IRAK1BP1: variants seen among roughly 807,000 people sequenced by gnomAD.
IRAK1BP1 encodes the protein interleukin-1 receptor-associated kinase 1-binding protein 1.
A neutral mutation model predicts 28.0 loss-of-function variants in IRAK1BP1; 24 were observed. The observed-to-expected ratio is 0.86, with a 90% confidence interval of 0.62 to 1.20. IRAK1BP1 has a LOEUF of 1.20. Among genes scored for constraint, IRAK1BP1 ranks in the 50% most tolerant of loss-of-function variants. The pLI is 0.00. For synonymous variants in IRAK1BP1, 131 were observed against 116.3 expected, an observed-to-expected ratio of 1.13 and a Z score of -0.81; for missense variants, 336 against 316.7, an observed-to-expected ratio of 1.06 and a Z score of -0.46.
rs891536990 is a variant in IRAK1BP1, at chr6:78,872,219, T to C, written c.315+4328T>C. 5 of 653,908 alleles carry C rather than the reference T, an allele frequency of 7.6e-6. No individual in the cohort carries two copies. The African/African-American group carries it at 9.0e-5, about 12-fold the overall frequency. 40.5% of individuals were successfully genotyped at this position (653,908 alleles called of 1,614,324 possible). Reference sequence around the variant, plus strand: ...CAGCGGTAATTTGCTTGACAACATATCCTTTAGTGCCTTTCTTTCCTTATC... The same window carrying C: ...CAGCGGTAATTTGCTTGACAACATACCCTTTAGTGCCTTTCTTTCCTTATC... On this transcript the variant is annotated intron_variant, in intron 1 of 3. Coordinates refer to ENST00000369940, the MANE Select transcript of IRAK1BP1 (RefSeq NM_001010844.4).
chr6:78,973,453 G>A, the IRAK1BP1 span, among the ~76,000 whole-genome samples: 1 of 134,702 alleles, frequency 7.4e-6, no homozygotes, highest in Middle Eastern at 3.2e-3. Context: ...TCGAGACTAG[G>A]AAGAAACTGC....
chr6:78,877,563 G>A (rs1213393789), intron 1 of IRAK1BP1, among the ~76,000 whole-genome samples: 2 of 152,212 alleles, frequency 1.3e-5, no homozygotes, highest in African/African-American at 4.8e-5. Flanking sequence ...CCCAGCGTGA[G>A]CGATGCAGAA....
Position 78,901,869 on chromosome 6 carries a change from G to A in IRAK1BP1, c.*3535G>A, listed in dbSNP as rs182280933. 3.2e-4 allele frequency: 48 copies of A among 152,112 alleles called. No individual in the cohort carries two copies. Among genetic ancestry groups the A allele is most frequent in the African/African-American group, 1.1e-3 (46 of 41,516 alleles). 9.4% of individuals were successfully genotyped at this position (152,112 alleles called of 1,614,324 possible). A position where few individuals can be genotyped will look rare whatever the true frequency, so the allele number is the denominator to read the frequency against. On this transcript the variant is annotated 3_prime_UTR_variant, in exon 4 of 4. Coordinates refer to ENST00000369940, the MANE Select transcript of IRAK1BP1 (RefSeq NM_001010844.4). Reference sequence around the variant, plus strand: ...AGATGCTGTACCTCATCCTATAATTGTTGTTTTGTAATATTCCTTCTCAGG... The same window carrying A: ...AGATGCTGTACCTCATCCTATAATTATTGTTTTGTAATATTCCTTCTCAGG...
At chr6:78,962,932 T>A in the IRAK1BP1 span, among the ~76,000 whole-genome samples, 1 of 152,198 alleles carries the variant, frequency 6.6e-6, no homozygotes, top group African/African-American at 2.4e-5. Context: ...TTTAAATAGT[T>A]AAGTCCTGTG....
chr6:78,892,837 G>C (rs1323668944), intron 2 of IRAK1BP1, among the ~76,000 whole-genome samples: 1 of 152,084 alleles, frequency 6.6e-6, no homozygotes, highest in Non-Finnish European at 1.5e-5. Flanking sequence ...CGTGCTTAGT[G>C]AACCTGAAAA....
chr6:78,889,116 C>CAAAAAAAAA (rs201870779), intron 2 of IRAK1BP1, among the ~76,000 whole-genome samples: 2 of 79,832 alleles, frequency 2.5e-5, no homozygotes, highest in African/African-American at 5.5e-5. Context: ...GACTCTGTCT[C>CAAAAAAAAA]AAAAAAAAAA....
chr6:78,904,067 A>G (rs1239282737), downstream of IRAK1BP1, among the ~76,000 whole-genome samples: 2 of 152,206 alleles, frequency 1.3e-5, no homozygotes, highest in Non-Finnish European at 2.9e-5. Context: ...CTCAAATAAG[A>G]CAGATACTGT....
At chr6:78,928,808 T>C (rs1772962205) in intron 4 of IRAK1BP1, among the ~76,000 whole-genome samples, 1 of 152,224 alleles carries the variant, frequency 6.6e-6, no homozygotes, top group East Asian at 1.9e-4. Flanking sequence ...TGTCCTGTAT[T>C]ATACTGATTG....
At chr6:78,909,836 GT>G (rs1434520714) in intron 4 of IRAK1BP1, among the ~76,000 whole-genome samples, 1 of 151,060 alleles carries the variant, frequency 6.6e-6, no homozygotes, top group African/African-American at 2.5e-5. Flanking sequence ...GATGTTTGAT[GT>G]TATTTCTTTT....
In IRAK1BP1 at chr6:78,885,448, G is replaced by GCACT. The variant is rs1771387381; in HGVS notation, c.381+5_381+6insCACT. 3 of 1,159,796 alleles carry GCACT rather than the reference G, an allele frequency of 2.6e-6. No individual in the cohort carries two copies. Among genetic ancestry groups the GCACT allele is most frequent in the Admixed American group, 3.0e-5 (1 of 33,206 alleles). The allele number at this position is 1,159,796 out of a possible 1,614,324, so 71.8% of individuals were successfully genotyped here. A position where few individuals can be genotyped will look rare whatever the true frequency, so the allele number is the denominator to read the frequency against. On this transcript the variant is annotated splice_donor_region_variant and intron_variant, in intron 2 of 3. Transcript: ENST00000369940. ...GCTTATCACATGGAAGCAGAGGTATGTACTTAACAAATAATTGGAAGCAGC... is the reference window on the plus strand; with the variant it reads ...GCTTATCACATGGAAGCAGAGGTATGCACTTACTTAACAAATAATTGGAAGCAGC...
Position 78,900,761 on chromosome 6 carries a change from C to T in IRAK1BP1, c.*2427C>T, listed in dbSNP as rs908749236. The T allele has an allele frequency of 3.3e-5, 5 of 152,106 alleles. No individual in the cohort carries two copies. Among genetic ancestry groups the T allele is most frequent in the Non-Finnish European group, 7.4e-5 (5 of 68,012 alleles). The allele number at this position is 152,106 out of a possible 1,614,324, so 9.4% of individuals were successfully genotyped here. A position where few individuals can be genotyped will look rare whatever the true frequency, so the allele number is the denominator to read the frequency against. ...AAGAGACTAATAGTACTTAACCTTG[C>T]AGTGTTATTATAAGGATTAAAGTTG... On this transcript the variant is annotated 3_prime_UTR_variant, in exon 4 of 4. Transcript: ENST00000369940.
intron 4 of IRAK1BP1, among the ~76,000 whole-genome samples, chr6:78,911,104 G>A (rs372841390): frequency 2.2e-4 from 33 of 152,100 alleles, no homozygotes; most frequent in African/African-American, 5.8e-4. Context: ...GCTGCCAGCA[G>A]CTGTAGATTT....
chr6:78,907,414 T>G (rs111545679), downstream of IRAK1BP1, among the ~76,000 whole-genome samples: 124 of 152,310 alleles, frequency 8.1e-4, 1 homozygote, highest in African/African-American at 2.9e-3. Context: ...ACAGGTATCT[T>G]ACATTTGTGT....
intron 2 of IRAK1BP1, among the ~76,000 whole-genome samples, chr6:78,895,556 A>G (rs556490025): frequency 2.0e-5 from 3 of 152,222 alleles, no homozygotes; most frequent in Non-Finnish European, 4.4e-5. Flanking sequence ...ATATTAATAC[A>G]TAATGACCAA....
At chr6:78,885,531 C>A in intron 2 of IRAK1BP1, 88 bp downstream of exon 2, 1 of 603,598 alleles carries the variant, frequency 1.7e-6, no homozygotes, top group Non-Finnish European at 2.9e-6. Context: ...GTGAAAAATG[C>A]TTCTCATGAT....
At chr6:78,955,191 A>G in the IRAK1BP1 span, 2 of 1,371,712 alleles carry the variant, frequency 1.5e-6, no homozygotes, top group Non-Finnish European at 2.0e-6. Flanking sequence ...ATACATTTTA[A>G]TTCATATAAA....
At chr6:78,936,109 G>A (rs144369887) in intron 4 of IRAK1BP1, 2 of 151,816 alleles carry the variant, frequency 1.3e-5, no homozygotes, top group East Asian at 1.9e-4. Flanking sequence ...CTCCAGGTTC[G>A]GAAGGAAAAA....
chr6:78,932,303 C>T (rs1773069507), intron 4 of IRAK1BP1, among the ~76,000 whole-genome samples: 1 of 151,946 alleles, frequency 6.6e-6, no homozygotes, highest in Non-Finnish European at 1.5e-5. Context: ...CACGAACGTT[C>T]TTAATGGCAT....
At chr6:78,881,497 T>C (rs1249445601) in intron 1 of IRAK1BP1, among the ~76,000 whole-genome samples, 3 of 152,116 alleles carry the variant, frequency 2.0e-5, no homozygotes, top group Non-Finnish European at 4.4e-5. Context: ...AAATCACAAA[T>C]AGTGAAGCTT....
Sources: gnomAD v4.1 joint callset for allele counts (sites outside exome capture counted in the v4.1 genomes callset) on GRCh38, gnomAD v4.1.1 for gene constraint, MANE v1.5 for transcripts, NCBI Gene and HGNC (gene_info 2026-07-23, HGNC 2026-07-21) for gene names.